Variants in CMTM7 observed in about 807,000 individuals in gnomAD.
The protein encoded by CMTM7 is CKLF like MARVEL transmembrane domain containing 7.
In CMTM7, 7 loss-of-function variants were observed where a neutral mutation model predicts 19.3. The observed-to-expected ratio is 0.36, with a 90% confidence interval of 0.21 to 0.68. The LOEUF (loss-of-function observed/expected upper bound fraction) is 0.68. CMTM7 is among the 30% of genes least tolerant of loss of function. The pLI is 0.60. For missense variants in CMTM7, 193 were observed against 232.6 expected, an observed-to-expected ratio of 0.83 and a Z score of 1.11; for synonymous variants, 87 against 99.3, an observed-to-expected ratio of 0.88 and a Z score of 0.74.
Position 32,407,269 on chromosome 3 carries a change from C to CAGCT in CMTM7, c.159+15205_159+15208dup, listed in dbSNP as rs564506121. ...ATGCCCCTGGATCTGCCATGCCAGG[C>CAGCT]AGCTGCCTTACAGATCTCATAAGAT... is the stretch of plus-strand genomic sequence containing the variant. On this transcript the variant is annotated intron_variant, in intron 1 of 4. Transcript: ENST00000334983. Among the ~76,000 whole-genome samples the CAGCT allele has an allele frequency of 1.4e-4, 21 of 152,298 alleles. No homozygotes were observed. The South Asian group carries it at 4.4e-3, about 32-fold the overall frequency.
At chr3:32,426,591 G>GA (rs1696436376) in intron 1 of CMTM7, among the ~76,000 whole-genome samples, 1 of 151,666 alleles carries the variant, frequency 6.6e-6, no homozygotes, top group Non-Finnish European at 1.5e-5. Flanking sequence ...TTCTATGCCT[G>GA]ATTTTTTTTT....
intron 2 of CMTM7, among the ~76,000 whole-genome samples, chr3:32,446,874 G>C (rs1339920896): frequency 1.3e-5 from 2 of 152,182 alleles, no homozygotes; most frequent in Non-Finnish European, 2.9e-5. Flanking sequence ...ACCAGAAGCA[G>C]ATACAGGTGC....
Position 32,454,862 on chromosome 3 carries a change from A to C in CMTM7, c.*608A>C. ...CAGTTGCACAAGGATTTCTTATTGA[A>C]CCAGATGAAGGCTGTAAAACCTGGC... On this transcript the variant is annotated 3_prime_UTR_variant, in exon 5 of 5. Coordinates refer to ENST00000334983, the MANE Select transcript of CMTM7 (RefSeq NM_138410.4). 4.8e-6 allele frequency: 1 copy of C among 210,260 alleles called. No individual in the cohort carries two copies. Among genetic ancestry groups the C allele is most frequent in the East Asian group, 1.3e-4 (1 of 7,648 alleles). The allele number at this position is 210,260 out of a possible 1,614,324, so 13.0% of individuals were successfully genotyped here.
intron 2 of CMTM7, among the ~76,000 whole-genome samples, chr3:32,443,558 T>C (rs1404592619): frequency 6.6e-6 from 1 of 152,220 alleles, no homozygotes; most frequent in Non-Finnish European, 1.5e-5. Context: ...TGTGGACATA[T>C]TTTCATTTTT....
At chr3:32,398,132 C>A (rs887801295) in intron 1 of CMTM7, among the ~76,000 whole-genome samples, 5 of 152,056 alleles carry the variant, frequency 3.3e-5, no homozygotes, top group African/African-American at 1.2e-4. Context: ...AGAAATGAGC[C>A]AGAATTGGGG....
At chr3:32,407,430 C>G (rs1699540930) in intron 1 of CMTM7, among the ~76,000 whole-genome samples, 1 of 152,162 alleles carries the variant, frequency 6.6e-6, no homozygotes, top group South Asian at 2.1e-4. Context: ...ATTTCTGCAG[C>G]CTTTTATGGG....
chr3:32,430,620 G>T (rs1211180202), intron 1 of CMTM7, among the ~76,000 whole-genome samples: 1 of 151,766 alleles, frequency 6.6e-6, no homozygotes, highest in Non-Finnish European at 1.5e-5. Context: ...TCGATGGGAT[G>T]TGCGCTTAGT....
chr3:32,399,271 T>G (rs1695966274), intron 1 of CMTM7, among the ~76,000 whole-genome samples: 1 of 151,904 alleles, frequency 6.6e-6, no homozygotes, highest in Admixed American at 6.6e-5. Flanking sequence ...TTGTTTTTTT[T>G]TTTTTTTGGT....
chr3:32,393,212 G>A (rs1695865282), intron 1 of CMTM7, among the ~76,000 whole-genome samples: 1 of 152,144 alleles, frequency 6.6e-6, no homozygotes, highest in African/African-American at 2.4e-5. Context: ...GTCTTGCTTG[G>A]GCCAGACCTA....
Position 32,449,600 on chromosome 3 carries a change from G to C in CMTM7, c.432+48G>C, listed in dbSNP as rs1195600430. ...TTAGGAATGAATTCTTATTTAAAAT[G>C]CTCATTTTCTTCCTGATGGGGGAAG... On this transcript the variant is annotated intron_variant, in intron 3 of 4. Coordinates refer to ENST00000334983, the MANE Select transcript of CMTM7 (RefSeq NM_138410.4). The surrounding 1 kb of genome is among the most constrained non-coding windows in gnomAD (Gnocchi z 4.5). 7.0e-7 allele frequency: 1 copy of C among 1,420,418 alleles called. No individual in the cohort carries two copies. Among genetic ancestry groups the C allele is most frequent in the Non-Finnish European group, 1.0e-6 (1 of 1,003,340 alleles). 88.0% of individuals were successfully genotyped at this position (1,420,418 alleles called of 1,614,324 possible). A position where few individuals can be genotyped will look rare whatever the true frequency, so the allele number is the denominator to read the frequency against.
chr3:32,446,504 AT>A (rs1189836889), intron 2 of CMTM7, among the ~76,000 whole-genome samples: 2 of 151,040 alleles, frequency 1.3e-5, no homozygotes, highest in African/African-American at 2.4e-5. Context: ...TTTAATCTTT[AT>A]TTTTTTTCTT....
At chr3:32,401,837 G>A (rs1158852708) in intron 1 of CMTM7, among the ~76,000 whole-genome samples, 3 of 152,246 alleles carry the variant, frequency 2.0e-5, no homozygotes, top group Admixed American at 2.0e-4. Context: ...TTCCAGCCCA[G>A]CGCCGGCAGC....
At chr3:32,422,502 C>A (rs17029455) in intron 1 of CMTM7, among the ~76,000 whole-genome samples, 7,940 of 152,308 alleles carry the variant, frequency 0.052, 239 homozygotes, top group Middle Eastern at 0.099. Flanking sequence ...AAATGGCAAC[C>A]AGTGCCGTCT....
chr3:32,446,962 C>G (rs1696762886), intron 2 of CMTM7, among the ~76,000 whole-genome samples: 1 of 152,090 alleles, frequency 6.6e-6, no homozygotes, highest in Non-Finnish European at 1.5e-5. Context: ...CTTGGGTATT[C>G]CTTTATTAAA....
chr3:32,419,904 T>A (rs1379242939), intron 1 of CMTM7, among the ~76,000 whole-genome samples: 7 of 152,226 alleles, frequency 4.6e-5, no homozygotes. Context: ...TTATTCTGAA[T>A]CCTGGTCTCT....
At chr3:32,401,459 T>C (rs1696002191) in intron 1 of CMTM7, among the ~76,000 whole-genome samples, 1 of 152,234 alleles carries the variant, frequency 6.6e-6, no homozygotes. Context: ...ATAGGTTTTC[T>C]GGCACTGCAG....
intron 1 of CMTM7, among the ~76,000 whole-genome samples, chr3:32,430,166 T>C (rs2125634571): frequency 6.6e-6 from 1 of 151,952 alleles, no homozygotes; most frequent in South Asian, 2.1e-4. Flanking sequence ...CAGCCATCAC[T>C]GTAATCCAAT....
At chr3:32,424,219 T>C (rs1441721273) in intron 1 of CMTM7, among the ~76,000 whole-genome samples, 1 of 152,166 alleles carries the variant, frequency 6.6e-6, no homozygotes, top group Non-Finnish European at 1.5e-5. Context: ...CTGTAACACC[T>C]ACACATGGCC....
chr3:32,404,661 G>A (rs6785452), intron 1 of CMTM7, among the ~76,000 whole-genome samples: 2 of 152,318 alleles, frequency 1.3e-5, no homozygotes, highest in Admixed American at 6.5e-5. Flanking sequence ...ATGGAAAGCC[G>A]TCTCCCACAC....
Sources: allele counts gnomAD v4.1 joint callset (sites outside exome capture counted in the v4.1 genomes callset), GRCh38; gene constraint gnomAD v4.1.1; non-coding constraint Gnocchi (gnomAD v3.1); transcripts MANE v1.5; gene names NCBI Gene and HGNC (gene_info 2026-07-23, HGNC 2026-07-21).